The following GLI2 variants were observed in gnomAD, a reference collection of about 807,000 sequenced individuals.
GLI2 encodes GLI family zinc finger 2.
In GLI2, 22 loss-of-function variants were observed where a neutral mutation model predicts 78.9. The observed-to-expected ratio is 0.28, with a 90% CI of 0.20 to 0.40. The LOEUF (loss-of-function observed/expected upper bound fraction) is 0.40. GLI2 is among the 10% of genes least tolerant of loss of function. The probability of loss-of-function intolerance (pLI) is 1.00; values close to 1 mark genes in which losing one functional copy is unlikely to be tolerated. For synonymous variants in GLI2, 974 were observed against 963.7 expected (o/e 1.01, Z -0.20); for missense variants, 2,097 against 2,213.2 (o/e 0.95, Z 1.05).
In GLI2 at chr2:120,736,808, C is replaced by G. The variant is rs796711339; in HGVS notation, c.-31+523C>G. 3.0e-4 allele frequency among the ~76,000 whole-genome samples: 45 copies of G among 152,068 alleles called. 1 individual carries two copies. Among genetic ancestry groups the G allele is most frequent in the African/African-American group, 1.1e-3 (45 of 41,482 alleles). ...GGAGCCCTGCCTTTCTTTCTTCCTT[C>G]CTCAATCCTTCCTCCCCCTCGCCCG... On this transcript the variant is annotated intron_variant, in intron 1 of 13. Transcript: ENST00000361492.
intron 2 of GLI2, among the ~76,000 whole-genome samples, chr2:120,884,503 A>T (rs1573536070): frequency 1.3e-5 from 2 of 152,282 alleles, no homozygotes. Context: ...TGTGGATTTA[A>T]TGGGGTTTCC....
At chr2:120,976,877 C>T (rs1682480082) in intron 9 of GLI2, among the ~76,000 whole-genome samples, 1 of 152,242 alleles carries the variant, frequency 6.6e-6, no homozygotes, top group Non-Finnish European at 1.5e-5. Context: ...GGAGCAGGCG[C>T]ACAGGCGAGC....
rs114260296 is a variant in GLI2 at position 120,929,520 on chromosome 2, G to A, written c.254+2054G>A. On this transcript the variant is annotated intron_variant, in intron 3 of 13. Coordinates refer to ENST00000361492, the MANE Select transcript of GLI2 (RefSeq NM_001374353.1). ...TTCTCCTGTAAGGAAAAGCTGTCCCGCCTCCCACATTTCTTTGTATATTTG... is the reference window on the plus strand; with the variant it reads ...TTCTCCTGTAAGGAAAAGCTGTCCCACCTCCCACATTTCTTTGTATATTTG... Among the ~76,000 whole-genome samples the A allele has an allele frequency of 2.9e-3, 448 of 152,290 alleles. 1 individual carries two copies. Among genetic ancestry groups the A allele is most frequent in the South Asian group, 6.4e-3 (31 of 4,820 alleles).
At chr2:120,799,043 A>G (rs1211217379) in intron 2 of GLI2, among the ~76,000 whole-genome samples, 1 of 152,220 alleles carries the variant, frequency 6.6e-6, no homozygotes, top group Non-Finnish European at 1.5e-5. Context: ...GATGTGTCAC[A>G]TTAGTAGAGG....
At chr2:120,817,124 A>G (rs1174143666) in intron 2 of GLI2, among the ~76,000 whole-genome samples, 1 of 152,264 alleles carries the variant, frequency 6.6e-6, no homozygotes, top group Non-Finnish European at 1.5e-5. Context: ...TTTTAGGATT[A>G]TTATGAAAAT....
intron 7 of GLI2, among the ~76,000 whole-genome samples, chr2:120,971,003 G>A (rs193232893): frequency 3.0e-3 from 461 of 152,298 alleles, no homozygotes; most frequent in African/African-American, 0.01. Flanking sequence ...CCCTTCCAAC[G>A]GGCCTTGAGC....
chr2:120,821,277 A>C (rs1426713504), intron 2 of GLI2, among the ~76,000 whole-genome samples: 1 of 152,156 alleles, frequency 6.6e-6, no homozygotes, highest in East Asian at 1.9e-4. Flanking sequence ...TAGGACAAGC[A>C]AAGGCCTGGT....
At chr2:120,802,545 T>C (rs1367633436) in intron 2 of GLI2, among the ~76,000 whole-genome samples, 11 of 152,226 alleles carry the variant, frequency 7.2e-5, no homozygotes, top group Non-Finnish European at 8.8e-5. Context: ...TGTTTCTCAT[T>C]GCTTTATACT....
At chr2:120,948,417 C>T (rs1411100159) in intron 3 of GLI2, among the ~76,000 whole-genome samples, 1 of 152,124 alleles carries the variant, frequency 6.6e-6, no homozygotes, top group African/African-American at 2.4e-5. Flanking sequence ...CTTGGTGATG[C>T]TTGCGGTGGG....
chr2:120,825,973 G>A (rs1686036257), intron 2 of GLI2, among the ~76,000 whole-genome samples: 1 of 152,252 alleles, frequency 6.6e-6, no homozygotes, highest in Admixed American at 6.5e-5. Context: ...GTCCCAGGGA[G>A]GGATAGGATG....
At chr2:120,897,844 G>A (rs569517595) in intron 2 of GLI2, among the ~76,000 whole-genome samples, 1 of 151,812 alleles carries the variant, frequency 6.6e-6, no homozygotes, top group African/African-American at 2.4e-5. Flanking sequence ...ACCTCTTTAG[G>A]GTGCTAACAT....
At chr2:120,850,067 G>A (rs1207365605) in intron 2 of GLI2, among the ~76,000 whole-genome samples, 1 of 152,204 alleles carries the variant, frequency 6.6e-6, no homozygotes, top group African/African-American at 2.4e-5. Flanking sequence ...GGCAGGTGAT[G>A]GAGTATTTGA....
chr2:120,971,376 C>A (rs979816922), intron 7 of GLI2, among the ~76,000 whole-genome samples: 5 of 152,232 alleles, frequency 3.3e-5, no homozygotes, highest in African/African-American at 1.2e-4. Flanking sequence ...GTGGCTACAC[C>A]CTTGGAAGGA....
At chr2:120,934,274 T>A (rs1448910820) in intron 3 of GLI2, among the ~76,000 whole-genome samples, 1 of 152,212 alleles carries the variant, frequency 6.6e-6, no homozygotes, top group African/African-American at 2.4e-5. Context: ...GACAAGTCCC[T>A]CCTAAACCTA....
intron 1 of GLI2, among the ~76,000 whole-genome samples, chr2:120,774,094 T>C (rs1464967453): frequency 1.3e-5 from 2 of 151,994 alleles, no homozygotes; most frequent in Non-Finnish European, 2.9e-5. Flanking sequence ...GATGTGAGGA[T>C]TTAGAAGTGC....
intron 1 of GLI2, among the ~76,000 whole-genome samples, chr2:120,796,344 A>G (rs1573387944): frequency 6.6e-6 from 1 of 152,164 alleles, no homozygotes; most frequent in Admixed American, 6.5e-5. Flanking sequence ...TCCCTGGGTC[A>G]CTGCAGTAGC....
chr2:120,907,257 G>A (rs1678578979), intron 2 of GLI2, among the ~76,000 whole-genome samples: 1 of 152,166 alleles, frequency 6.6e-6, no homozygotes, highest in Non-Finnish European at 1.5e-5. Context: ...GGCTTCACCT[G>A]TTGACGGGTG....
At chr2:120,943,371 G>C (rs917694629) in intron 3 of GLI2, among the ~76,000 whole-genome samples, 1 of 152,214 alleles carries the variant, frequency 6.6e-6, no homozygotes, top group Non-Finnish European at 1.5e-5. Context: ...AAGGACCAGA[G>C]AGTGGCATAC....
At chr2:120,792,064 C>G (rs1195439778) in intron 1 of GLI2, among the ~76,000 whole-genome samples, 4 of 152,188 alleles carry the variant, frequency 2.6e-5, no homozygotes, top group Admixed American at 1.3e-4. Flanking sequence ...GGCTTCATCT[C>G]TCTCCTGGAG....
Sources: allele counts gnomAD v4.1 joint callset (sites outside exome capture counted in the v4.1 genomes callset), GRCh38; gene constraint gnomAD v4.1.1; transcripts MANE v1.5; gene names NCBI Gene and HGNC (gene_info 2026-07-23, HGNC 2026-07-21).